CD2AP: variants seen among roughly 807,000 people sequenced by gnomAD.
CD2AP encodes the protein CD2-associated protein.
Under a neutral mutation model 85.1 loss-of-function variants are expected in CD2AP, and 46 were observed. The ratio of observed to expected loss-of-function variants is 0.54; its 90% confidence interval spans 0.43 to 0.69. The LOEUF (loss-of-function observed/expected upper bound fraction) is 0.69. CD2AP is among the 30% of genes least tolerant of loss of function. CD2AP has a pLI of 0.00. For missense variants in CD2AP, 769 were observed against 729.5 expected (o/e 1.05, Z -0.62); for synonymous variants, 255 against 252.9 (o/e 1.01, Z -0.08).
chr6:47,481,318 CAT>C (rs1765437115), intron 1 of CD2AP, among the ~76,000 whole-genome samples: 1 of 151,958 alleles, frequency 6.6e-6, no homozygotes, highest in Non-Finnish European at 1.5e-5. Flanking sequence ...GTATATAAAA[CAT>C]ATCAGTCATG....
intron 12 of CD2AP, among the ~76,000 whole-genome samples, chr6:47,596,409 C>T (rs771047336): frequency 4.6e-5 from 7 of 152,058 alleles, no homozygotes; most frequent in Admixed American, 2.6e-4. Context: ...CCACATCTTC[C>T]CACTCCCCTC....
intron 5 of CD2AP, among the ~76,000 whole-genome samples, chr6:47,570,782 C>T (rs568642150): frequency 2.1e-4 from 32 of 152,240 alleles, no homozygotes; most frequent in South Asian, 4.2e-4. Flanking sequence ...ATGGAGGGGG[C>T]AAGATATGAA....
chr6:47,601,927 T>A (rs1287024623), intron 13 of CD2AP, among the ~76,000 whole-genome samples: 2 of 151,982 alleles, frequency 1.3e-5, no homozygotes, highest in Non-Finnish European at 2.9e-5. Context: ...TAATGTTTTT[T>A]CCCTTAACTA....
Position 47,599,269 on chromosome 6 carries a change from A to T in CD2AP, c.1275-32A>T, listed in dbSNP as rs375713771. 1.9e-6 allele frequency: 3 copies of T among 1,595,104 alleles called. No homozygotes were observed. The African/African-American group carries it at 4.0e-5, about 21-fold the overall frequency. ...TTAAAAAAAAGTCGTGTTTCATACT[A>T]GTGATTTTTGCGTGTTTTTTTCTTA... On this transcript the variant is annotated intron_variant, in intron 12 of 17. Transcript: ENST00000359314.
chr6:47,585,907 T>TCTA (rs1172854535), intron 11 of CD2AP, among the ~76,000 whole-genome samples: 1 of 152,204 alleles, frequency 6.6e-6, no homozygotes, highest in East Asian at 1.9e-4. Context: ...TTTCTCTGCC[T>TCTA]CTATCTTGGA....
rs1769573135 is a variant in CD2AP at position 47,615,986 on chromosome 6, T to C, written c.1878+3450T>C. 2.0e-5 allele frequency among the ~76,000 whole-genome samples: 3 copies of C among 150,288 alleles called. 1 individual carries two copies. In the South Asian group the frequency reaches 6.3e-4, roughly 32 times the overall value. ...TTTTAGTAGAGACGGGGTTTCACTG[T>C]GTTAGCCAGGGTGGTCTTGAACTCC... On this transcript the variant is annotated intron_variant, in intron 17 of 17. Transcript: ENST00000359314.
At chr6:47,613,904 A>C (rs1268913389) in intron 17 of CD2AP, among the ~76,000 whole-genome samples, 1 of 152,212 alleles carries the variant, frequency 6.6e-6, no homozygotes, top group Non-Finnish European at 1.5e-5. Flanking sequence ...CTACATTAGC[A>C]CTTGCTTTAC....
chr6:47,488,636 G>T (rs1765637040), intron 1 of CD2AP, among the ~76,000 whole-genome samples: 1 of 150,058 alleles, frequency 6.7e-6, no homozygotes, highest in African/African-American at 2.5e-5. Flanking sequence ...AATATTTTTT[G>T]ATTATAAGAA....
chr6:47,587,668 G>T (rs1404184166), intron 11 of CD2AP, among the ~76,000 whole-genome samples: 1 of 152,114 alleles, frequency 6.6e-6, no homozygotes, highest in Admixed American at 6.6e-5. Flanking sequence ...TGAAATTCAT[G>T]ATACAAAGGG....
chr6:47,492,494 A>G (rs1562001433), intron 1 of CD2AP, among the ~76,000 whole-genome samples: 2 of 151,654 alleles, frequency 1.3e-5, no homozygotes, highest in Non-Finnish European at 2.9e-5. Flanking sequence ...CTAGGACTAT[A>G]GGTGCTGCCC....
chr6:47,522,933 G>A (rs1188888729), intron 2 of CD2AP, among the ~76,000 whole-genome samples: 13 of 151,836 alleles, frequency 8.6e-5, no homozygotes, highest in Admixed American at 7.2e-4. Context: ...AGCTACTTTG[G>A]AAAGTCTCAT....
intron 2 of CD2AP, among the ~76,000 whole-genome samples, chr6:47,527,687 G>C (rs567578819): frequency 4.0e-4 from 61 of 152,344 alleles, no homozygotes; most frequent in African/African-American, 1.4e-3. Context: ...TATGTTGTCA[G>C]CTGTGCCAGG....
intron 2 of CD2AP, among the ~76,000 whole-genome samples, chr6:47,529,194 C>T (rs915533702): frequency 5.0e-5 from 6 of 119,610 alleles, no homozygotes; most frequent in Non-Finnish European, 7.1e-5. Context: ...CCCCCCCCCC[C>T]CCCCCCAACT....
intron 3 of CD2AP, among the ~76,000 whole-genome samples, chr6:47,534,628 T>A (rs148278636): frequency 6.6e-6 from 1 of 152,112 alleles, no homozygotes; most frequent in East Asian, 1.9e-4. Flanking sequence ...TCACTTGAAC[T>A]CGGGAGGTGA....
At chr6:47,490,656 GT>G (rs1384016808) in intron 1 of CD2AP, among the ~76,000 whole-genome samples, 1 of 151,712 alleles carries the variant, frequency 6.6e-6, no homozygotes, top group Non-Finnish European at 1.5e-5. Flanking sequence ...AATCTTTTTT[GT>G]TTTTTAAACT....
chr6:47,605,625 T>C (rs1769250652), intron 13 of CD2AP, among the ~76,000 whole-genome samples: 1 of 152,040 alleles, frequency 6.6e-6, no homozygotes, highest in Admixed American at 6.6e-5. Flanking sequence ...ACTGTGCACA[T>C]ATATATACAC....
intron 2 of CD2AP, among the ~76,000 whole-genome samples, chr6:47,528,902 A>G (rs1196850129): frequency 6.6e-6 from 1 of 152,110 alleles, no homozygotes; most frequent in Non-Finnish European, 1.5e-5. Flanking sequence ...ATCTCAAATG[A>G]CAGTCTTAGG....
At chr6:47,561,266 T>G (rs1295016871) in intron 5 of CD2AP, among the ~76,000 whole-genome samples, 1 of 152,210 alleles carries the variant, frequency 6.6e-6, no homozygotes, top group Non-Finnish European at 1.5e-5. Flanking sequence ...TTGCTCATGC[T>G]TTTTGCAGTC....
chr6:47,503,557 AT>A (rs1766054146), intron 2 of CD2AP, 117 bp downstream of exon 2: 1 of 947,238 alleles, frequency 1.1e-6, no homozygotes, highest in African/African-American at 1.6e-5. Context: ...TCTTTGTAAC[AT>A]TTAAGAAAAT....
Sources: gnomAD v4.1 joint callset for allele counts (sites outside exome capture counted in the v4.1 genomes callset) on GRCh38, gnomAD v4.1.1 for gene constraint, MANE v1.5 for transcripts, NCBI Gene and HGNC (gene_info 2026-07-23, HGNC 2026-07-21) for gene names.